Variants in FH observed in about 807,000 individuals in gnomAD.
FH encodes fumarate hydratase, also known as fumarate hydratase, mitochondrial.
A neutral mutation model predicts 49.4 loss-of-function variants in FH; 22 were observed. The observed-to-expected ratio is 0.45, with a 90% CI of 0.32 to 0.64. The LOEUF (loss-of-function observed/expected upper bound fraction) is 0.64. Among genes scored for constraint, FH ranks in the 30% least tolerant of loss-of-function variants. FH has a pLI of 0.05. For missense variants in FH, 526 were observed against 641.5 expected (o/e 0.82, Z 1.95); for synonymous variants, 208 against 223.0 (o/e 0.93, Z 0.60).
rs1660092704 is a variant in FH, at chr1:241,511,889, G to C, written c.555+78C>G. On this transcript the variant is annotated intron_variant, in intron 4 of 9. Transcript: ENST00000366560. Reference sequence around the variant, plus strand: ...TAATGAACACTTCTTGTCAAAAAGTGAATGCTTGTTTTACAAGAACAATCT... The same window carrying C: ...TAATGAACACTTCTTGTCAAAAAGTCAATGCTTGTTTTACAAGAACAATCT... 1.0e-5 allele frequency: 14 copies of C among 1,380,872 alleles called. No homozygotes were observed. The South Asian group carries it at 1.5e-4, about 15-fold the overall frequency. The allele number at this position is 1,380,872 out of a possible 1,614,324, so 85.5% of individuals were successfully genotyped here.
chr1:241,505,669 A>G (rs1659909917), intron 6 of FH, among the ~76,000 whole-genome samples: 1 of 152,242 alleles, frequency 6.6e-6, no homozygotes, highest in Admixed American at 6.5e-5. Flanking sequence ...CATATTTACT[A>G]TTCAAATAAC....
intron 3 of FH, 53 bp from the exon 4 acceptor site, chr1:241,512,196 T>C (rs1558400675): frequency 6.6e-6 from 10 of 1,515,188 alleles, no homozygotes; most frequent in Non-Finnish European, 8.2e-6. Context: ...ATAATGCTGA[T>C]TATGCCACAG....
In FH at chr1:241,519,698, C is replaced by G; in HGVS notation, c.25G>C (p.Ala9Pro). The change falls in exon 1 of 10, where the codon GCG becomes CCG. Residue 9 changes from alanine (A) to proline (P), a missense_variant. Around this residue, in one of 2 missense-constraint regions of FH, gnomAD observed 143 missense variants for 127.5 expected, o/e 1.12. Transcript: ENST00000366560. The part of the protein sequence containing the change: MYRALRLL[A>P]RSRPLVRAPA... ...GCCCGCACGAGGGGACGCGAGCGCG[C>G]GAGGAGCCGAAGTGCTCGGTACATG... 6.5e-7 allele frequency: 1 copy of G among 1,546,722 alleles called. No homozygotes were observed. Among genetic ancestry groups the G allele is most frequent in the Non-Finnish European group, 8.7e-7 (1 of 1,145,780 alleles).
intron 5 of FH, among the ~76,000 whole-genome samples, chr1:241,507,809 G>A (rs1659968528): frequency 6.6e-6 from 1 of 152,124 alleles, no homozygotes; most frequent in African/African-American, 2.4e-5. Flanking sequence ...GTTCAATTTA[G>A]TCCCATCATT....
At position 241,510,922 on chromosome 1, in the gene FH, T is replaced by C. The variant is rs545919422; in HGVS notation, c.555+1045A>G. Among the ~76,000 whole-genome samples the C allele has an allele frequency of 2.0e-5, 3 of 152,286 alleles. No individual in the cohort carries two copies. In the East Asian group the frequency reaches 5.8e-4, roughly 29 times the overall value. ...AGGTTAACATCACCAGTAAAAGTCA[T>C]GTTGCTATCATGAACCCCTGATATG... On this transcript the variant is annotated intron_variant, in intron 4 of 9. Coordinates refer to ENST00000366560, the MANE Select transcript of FH (RefSeq NM_000143.4).
intron 4 of FH, among the ~76,000 whole-genome samples, chr1:241,510,833 A>C (rs1660063769): frequency 6.6e-6 from 1 of 152,182 alleles, no homozygotes; most frequent in Non-Finnish European, 1.5e-5. Flanking sequence ...CAGGGTATAG[A>C]AGAGGAAAAA....
At chr1:241,518,425 A>G (rs1337990824) in intron 1 of FH, among the ~76,000 whole-genome samples, 1 of 152,258 alleles carries the variant, frequency 6.6e-6, no homozygotes, top group Non-Finnish European at 1.5e-5. Flanking sequence ...AAAATGCCCT[A>G]AAATTATTCG....
At position 241,504,138 on chromosome 1, in the gene FH, T is replaced by C; in HGVS notation, c.1012A>G (p.Ile338Val). 6.2e-7 allele frequency: 1 copy of C among 1,614,224 alleles called. No individual in the cohort carries two copies. The highest frequency in any genetic ancestry group is 1.1e-5 in the South Asian group (1 of 91,082). The change falls in exon 7 of 10, where the codon ATA becomes GTA. Residue 338 changes from isoleucine to valine, a missense_variant. Coordinates refer to ENST00000366560, the MANE Select transcript of FH (RefSeq NM_000143.4). ...CCCAAAAATCGAATATCATTTGCTA[T>C]CTTCATCAGACTGCAGGCAGTAGTG... ...MNTTACSLMKIANDIRFLGSG... is the reference protein window; with the variant it reads ...MNTTACSLMKVANDIRFLGSG...
intron 3 of FH, among the ~76,000 whole-genome samples, chr1:241,512,953 C>T (rs1179614241): frequency 1.3e-5 from 2 of 151,738 alleles, no homozygotes; most frequent in African/African-American, 4.8e-5. Flanking sequence ...GAGAAACACA[C>T]ACTTTCTGTT....
rs202081538 is a variant in FH, at chr1:241,519,739, G to C, written c.-17C>G. 10 of 1,522,572 alleles carry C rather than the reference G, an allele frequency of 6.6e-6. No homozygotes were observed. Among genetic ancestry groups the C allele is most frequent in the Non-Finnish European group, 8.8e-6 (10 of 1,130,082 alleles). The allele number at this position is 1,522,572 out of a possible 1,614,324, so 94.3% of individuals were successfully genotyped here. Reference sequence around the variant, plus strand: ...TCGGTACATGGTGCTGAGGGAGCTTGGGTAGAATTTCTGGGCGGCTGTGGC... The same window carrying C: ...TCGGTACATGGTGCTGAGGGAGCTTCGGTAGAATTTCTGGGCGGCTGTGGC... On this transcript the variant is annotated 5_prime_UTR_variant, in exon 1 of 10. Coordinates refer to ENST00000366560, the MANE Select transcript of FH (RefSeq NM_000143.4).
intron 1 of FH, among the ~76,000 whole-genome samples, chr1:241,518,677 T>C (rs1312340930): frequency 1.3e-5 from 2 of 152,240 alleles, no homozygotes; most frequent in Non-Finnish European, 2.9e-5. Flanking sequence ...ATCACATCTC[T>C]TAGATTGCAA....
rs876658186 is a variant in FH, at chr1:241,519,603, G to A, written c.120C>T (p.Asn40=). The A allele has an allele frequency of 1.3e-6, 2 of 1,547,552 alleles. No individual in the cohort carries two copies. The highest frequency in any genetic ancestry group is 1.7e-6 in the Non-Finnish European group (2 of 1,146,390). Residue 40 remains asparagine, a synonymous_variant, in exon 1 of 10, where the codon AAC becomes AAT. Transcript: ENST00000366560. ...GGCCTGCGCTCACCATTCGAGCCGCGTTCGGAGGCCAAAACGAGGGCACGG... is the reference window on the plus strand; with the variant it reads ...GGCCTGCGCTCACCATTCGAGCCGCATTCGGAGGCCAAAACGAGGGCACGG... ...GAAVPSFWPP[N]AARMASQNSF...
At chr1:241,519,275 A>C in intron 1 of FH, 1 of 301,282 alleles carries the variant, frequency 3.3e-6, no homozygotes, top group Non-Finnish European at 6.2e-6. Context: ...GCAGCAGCGA[A>C]GTTACCTCAA....
intron 5 of FH, among the ~76,000 whole-genome samples, chr1:241,507,807 T>C (rs1659968419): frequency 1.3e-5 from 2 of 152,208 alleles, no homozygotes; most frequent in South Asian, 2.1e-4. Flanking sequence ...GAGTTCAATT[T>C]AGTCCCATCA....
intron 9 of FH, among the ~76,000 whole-genome samples, chr1:241,498,514 C>G (rs1482239493): frequency 6.6e-6 from 1 of 151,302 alleles, no homozygotes; most frequent in Non-Finnish European, 1.5e-5. Context: ...CTCTATGTGG[C>G]TCTCCACTGC....
Position 241,503,781 on chromosome 1 carries a change from G to A in FH, c.1108+261C>T, listed in dbSNP as rs4659606. Among the ~76,000 whole-genome samples the A allele has an allele frequency of 8.9e-3, 1,357 of 152,298 alleles. 9 individuals are homozygous for A. Among genetic ancestry groups the A allele is most frequent in the Middle Eastern group, 0.024 (7 of 294 alleles). On this transcript the variant is annotated intron_variant, in intron 7 of 9. Coordinates refer to ENST00000366560, the MANE Select transcript of FH (RefSeq NM_000143.4). The stretch of plus-strand genomic sequence containing the variant: ...GGTATGACTTCTTTTTATTCAACCC[G>A]CGCTGATCACTTTAACAGCCTGCTC...
intron 9 of FH, among the ~76,000 whole-genome samples, chr1:241,498,273 GACATAAAAATAT>G (rs1317932674): frequency 2.0e-5 from 3 of 151,998 alleles, no homozygotes; most frequent in Non-Finnish European, 4.4e-5. Context: ...ATAGCACCAC[GACATAAAAATAT>G]ACATCTGGGT....
At position 241,513,715 on chromosome 1, in the gene FH, TA is replaced by T. The variant is rs1660148985; in HGVS notation, c.268-3del. The T allele has an allele frequency of 1.2e-6, 2 of 1,610,588 alleles. No homozygotes were observed. Among genetic ancestry groups the T allele is most frequent in the Non-Finnish European group, 1.7e-6 (2 of 1,176,886 alleles). On this transcript the variant is annotated splice_region_variant and splice_polypyrimidine_tract_variant and intron_variant, in intron 2 of 9. Transcript: ENST00000366560. Reference sequence around the variant, plus strand: ...GCCAAAAGCTTTAATAACTGGGGTCTAAAATTAATCAGAAAAATATTTCAAA... The same window carrying T: ...GCCAAAAGCTTTAATAACTGGGGTCTAAATTAATCAGAAAAATATTTCAAA...
At position 241,519,725 on chromosome 1, in the gene FH, T is replaced by C. The variant is rs202145941; in HGVS notation, c.-3A>G. 2.3e-5 allele frequency: 36 copies of C among 1,534,138 alleles called. No homozygotes were observed. Among genetic ancestry groups the C allele is most frequent in the Non-Finnish European group, 3.0e-5 (34 of 1,137,086 alleles). On this transcript the variant is annotated 5_prime_UTR_variant, in exon 1 of 10. Coordinates refer to ENST00000366560, the MANE Select transcript of FH (RefSeq NM_000143.4). ...AGGAGCCGAAGTGCTCGGTACATGGTGCTGAGGGAGCTTGGGTAGAATTTC... is the reference window on the plus strand; with the variant it reads ...AGGAGCCGAAGTGCTCGGTACATGGCGCTGAGGGAGCTTGGGTAGAATTTC...
Sources: gnomAD v4.1 joint callset for allele counts (sites outside exome capture counted in the v4.1 genomes callset) on GRCh38, gnomAD v4.1.1 for gene constraint, gnomAD v4.1.1 regional missense constraint, MANE v1.5 for transcripts, NCBI Gene and HGNC (gene_info 2026-07-23, HGNC 2026-07-21) for gene names.